The following WDR72 variants were observed in gnomAD, a reference collection of about 807,000 sequenced individuals.
WDR72 encodes WD repeat domain 72.
A neutral mutation model predicts 124.2 loss-of-function variants in WDR72; 120 were observed. The ratio of observed to expected loss-of-function variants is 0.97; its 90% CI spans 0.83 to 1.12. The LOEUF is 1.12. WDR72 is among the 50% of genes most tolerant of loss of function. The probability of loss-of-function intolerance (pLI) is 0.00; values close to 1 mark genes in which losing one functional copy is unlikely to be tolerated. For missense variants in WDR72, 1,387 were observed against 1,278.8 expected (o/e 1.08, Z -1.29); for synonymous variants, 452 against 441.7 (o/e 1.02, Z -0.29).
chr15:53,702,101 A>T (rs1396643805), intron 12 of WDR72, 33 bp downstream of exon 12: 1 of 1,516,988 alleles, frequency 6.6e-7, no homozygotes, highest in African/African-American at 1.4e-5. Flanking sequence ...ATAATTTTCA[A>T]ATTTAGATGT....
At chr15:53,605,698 T>C (rs557663726) in intron 17 of WDR72, among the ~76,000 whole-genome samples, 13 of 151,972 alleles carry the variant, frequency 8.6e-5, no homozygotes, top group African/African-American at 3.1e-4. Flanking sequence ...CTACTAAAAA[T>C]ACAAAAATTA....
chr15:53,636,887 T>C (rs1308998014), intron 14 of WDR72, among the ~76,000 whole-genome samples: 1 of 152,188 alleles, frequency 6.6e-6, no homozygotes, highest in African/African-American at 2.4e-5. Flanking sequence ...GTCATTTGCA[T>C]AGTATATAAT....
chr15:53,673,265 C>T (rs77302486), intron 13 of WDR72, among the ~76,000 whole-genome samples: 1,983 of 152,130 alleles, frequency 0.013, 29 homozygotes, highest in East Asian at 0.068. Context: ...CAAATTAACT[C>T]GGTCCACTAA....
At chr15:53,758,649 G>T (rs1185045039) in intron 1 of WDR72, among the ~76,000 whole-genome samples, 4 of 151,716 alleles carry the variant, frequency 2.6e-5, no homozygotes, top group Non-Finnish European at 5.9e-5. Flanking sequence ...GGGAAGAAAG[G>T]AATGGTGTTT....
At chr15:53,638,580 C>CTTTTTTT (rs3081298) in intron 14 of WDR72, among the ~76,000 whole-genome samples, 3 of 125,856 alleles carry the variant, frequency 2.4e-5, no homozygotes, top group African/African-American at 5.9e-5. Flanking sequence ...TAATCACATT[C>CTTTTTTT]TTTTTTTTTT....
chr15:53,713,438 A>ATTTTATTTTATTTTG (rs2017611309), intron 6 of WDR72, among the ~76,000 whole-genome samples: 4 of 148,626 alleles, frequency 2.7e-5, no homozygotes, highest in Non-Finnish European at 5.9e-5. Flanking sequence ...ATTTTATTTT[A>ATTTTATTTTATTTTG]TTTTATTTTA....
intron 18 of WDR72, among the ~76,000 whole-genome samples, chr15:53,533,079 C>G (rs969758442): frequency 6.6e-6 from 1 of 152,080 alleles, no homozygotes; most frequent in Non-Finnish European, 1.5e-5. Context: ...ACGAGCAACA[C>G]AATCAACCAA....
At chr15:53,704,816 T>TTA (rs1555425971) in intron 11 of WDR72, among the ~76,000 whole-genome samples, 172 bp downstream of exon 11, 1,415 of 136,164 alleles carry the variant, frequency 0.01, 21 homozygotes, top group African/African-American at 0.037. Flanking sequence ...ACAGGGAGTT[T>TTA]AAAAAAAAAA....
chr15:53,613,323 G>T (rs1448773156), intron 16 of WDR72, among the ~76,000 whole-genome samples: 1 of 151,970 alleles, frequency 6.6e-6, no homozygotes, highest in Non-Finnish European at 1.5e-5. Context: ...TTCCTTTGCT[G>T]AAAAGTTTCA....
intron 18 of WDR72, among the ~76,000 whole-genome samples, chr15:53,542,617 T>G (rs796066046): frequency 1.9e-4 from 3 of 15,516 alleles, no homozygotes; most frequent in African/African-American, 7.8e-4. Context: ...AACATCATAA[T>G]GACAGGATCA....
chr15:53,516,672 T>C lies in WDR72; in HGVS notation c.*1027A>G, dbSNP rs1025990638. 6.6e-6 allele frequency: 1 copy of C among 152,082 alleles called. No homozygotes were observed. Among genetic ancestry groups the C allele is most frequent in the Admixed American group, 6.6e-5 (1 of 15,230 alleles). The allele number at this position is 152,082 out of a possible 1,614,324, so 9.4% of individuals were successfully genotyped here. The stretch of plus-strand genomic sequence containing the variant: ...CTTCCCTATTAGATACATAGATAGA[T>C]AGATATAGCTATATATCACATATTT... On this transcript the variant is annotated 3_prime_UTR_variant, in exon 20 of 20. Transcript: ENST00000360509.
chr15:53,726,264 G>GTATGTATATATATA (rs2018031493), intron 2 of WDR72, among the ~76,000 whole-genome samples: 1 of 110,356 alleles, frequency 9.1e-6, no homozygotes, highest in African/African-American at 4.6e-5. Context: ...ATGTATGTGT[G>GTATGTATATATATA]TATATATATA....
chr15:53,588,007 A>G (rs888789922), intron 18 of WDR72, among the ~76,000 whole-genome samples: 1 of 152,044 alleles, frequency 6.6e-6, no homozygotes. Context: ...TTCTCTAGAC[A>G]GATATATTGC....
chr15:53,678,636 T>A (rs1018447896), intron 13 of WDR72, among the ~76,000 whole-genome samples: 1 of 152,218 alleles, frequency 6.6e-6, no homozygotes, highest in African/African-American at 2.4e-5. Context: ...TCAGCCTTTG[T>A]CCTACCCAAT....
At chr15:53,734,969 T>C (rs1263244322) in intron 1 of WDR72, among the ~76,000 whole-genome samples, 4 of 152,014 alleles carry the variant, frequency 2.6e-5, no homozygotes, top group South Asian at 2.1e-4. Flanking sequence ...ACAGACCTAT[T>C]TGAATATCTA....
In WDR72 at chr15:53,665,587, C is replaced by T. The variant is rs2015749761; in HGVS notation, c.1947G>A (p.Val649=). 2 of 1,613,774 alleles carry T rather than the reference C, an allele frequency of 1.2e-6. No individual in the cohort carries two copies. Among genetic ancestry groups the T allele is most frequent in the South Asian group, 1.1e-5 (1 of 91,080 alleles). Residue 649 remains valine, a synonymous_variant, in exon 14 of 20, where the codon GTG becomes GTA. Transcript: ENST00000360509. ...LGPLPCPGLQ[V]ESSCKVTDAK... ...TTGAACTTACCTTACATGAAGACTCCACCTGCAGACCAGGGCAAGGTAATG... is the reference window on the plus strand; with the variant it reads ...TTGAACTTACCTTACATGAAGACTCTACCTGCAGACCAGGGCAAGGTAATG...
chr15:53,578,536 G>T (rs2011740208), intron 18 of WDR72, among the ~76,000 whole-genome samples: 1 of 152,082 alleles, frequency 6.6e-6, no homozygotes, highest in South Asian at 2.1e-4. Context: ...TGAGAGCCAT[G>T]GGCAGTAATC....
chr15:53,682,795 A>G (rs80059366), intron 13 of WDR72, among the ~76,000 whole-genome samples: 4,106 of 152,216 alleles, frequency 0.027, 105 homozygotes, highest in East Asian at 0.069. Flanking sequence ...TCAGTTCCAA[A>G]GTTGCTTCCA....
intron 18 of WDR72, among the ~76,000 whole-genome samples, chr15:53,536,646 G>C (rs1473901078): frequency 1.3e-5 from 2 of 152,318 alleles, no homozygotes; most frequent in East Asian, 3.9e-4. Flanking sequence ...TGACGTTTTA[G>C]AAGTGTGGTG....
Sources: gnomAD v4.1 joint callset for allele counts (sites outside exome capture counted in the v4.1 genomes callset) on GRCh38, gnomAD v4.1.1 for gene constraint, MANE v1.5 for transcripts, NCBI Gene and HGNC (gene_info 2026-07-23, HGNC 2026-07-21) for gene names.